Variants in TMEM135 observed in about 807,000 individuals in gnomAD.
TMEM135 encodes peroxisomal membrane protein 52.
Under a neutral mutation model 60.3 loss-of-function variants are expected in TMEM135, and 30 were observed. The observed-to-expected ratio is 0.50, with a 90% CI of 0.37 to 0.68. The LOEUF is 0.68. Among genes scored for constraint, TMEM135 ranks in the 30% least tolerant of loss-of-function variants. The pLI is 0.00. For missense variants in TMEM135, 468 were observed against 548.8 expected, an observed-to-expected ratio of 0.85 and a Z score of 1.47; for synonymous variants, 190 against 186.7, an observed-to-expected ratio of 1.02 and a Z score of -0.14.
intron 1 of TMEM135, among the ~76,000 whole-genome samples, chr11:87,067,230 A>G (rs1464360644): frequency 6.8e-6 from 1 of 147,778 alleles, no homozygotes; most frequent in Non-Finnish European, 1.5e-5. Flanking sequence ...TAGTATATAT[A>G]TATTTTTTTT....
intron 1 of TMEM135, among the ~76,000 whole-genome samples, chr11:87,042,429 A>G (rs1484570907): frequency 6.6e-6 from 1 of 152,154 alleles, no homozygotes; most frequent in Non-Finnish European, 1.5e-5. Context: ...AGTTAGTATG[A>G]TATTTTAAGT....
At chr11:87,087,957 C>T (rs537306948) in intron 3 of TMEM135, among the ~76,000 whole-genome samples, 15 of 152,204 alleles carry the variant, frequency 9.9e-5, no homozygotes, top group South Asian at 4.2e-4. Context: ...AGGCTGGTCT[C>T]GAACTGCCGA....
intron 5 of TMEM135, among the ~76,000 whole-genome samples, chr11:87,202,958 G>A (rs12272942): frequency 0.13 from 19,367 of 148,550 alleles, 1,305 homozygotes; most frequent in Non-Finnish European, 0.14. Flanking sequence ...GCGTGAACCC[G>A]GGAGGCGGAG....
At chr11:87,254,430 T>C (rs1255845613) in intron 6 of TMEM135, among the ~76,000 whole-genome samples, 1 of 152,206 alleles carries the variant, frequency 6.6e-6, no homozygotes, top group Non-Finnish European at 1.5e-5. Flanking sequence ...ACTTACAAAC[T>C]CTGTGGCCTT....
intron 3 of TMEM135, among the ~76,000 whole-genome samples, chr11:87,076,880 C>T (rs181410346): frequency 3.3e-5 from 5 of 152,148 alleles, no homozygotes; most frequent in African/African-American, 1.2e-4. Flanking sequence ...GTCTCTTCTC[C>T]TACTGTGGCT....
At chr11:87,135,143 T>C (rs1053817713) in intron 4 of TMEM135, among the ~76,000 whole-genome samples, 2 of 152,172 alleles carry the variant, frequency 1.3e-5, no homozygotes, top group Non-Finnish European at 2.9e-5. Flanking sequence ...ATGTCCTTGA[T>C]TGGATCTATA....
At chr11:87,251,410 G>C (rs950934930) in intron 6 of TMEM135, among the ~76,000 whole-genome samples, 2 of 152,104 alleles carry the variant, frequency 1.3e-5, no homozygotes, top group Non-Finnish European at 2.9e-5. Context: ...GCTACTGTTA[G>C]CTGTCACACT....
chr11:87,075,310 C>G (rs1856848835), intron 3 of TMEM135, among the ~76,000 whole-genome samples: 1 of 151,510 alleles, frequency 6.6e-6, no homozygotes, highest in Admixed American at 6.6e-5. Context: ...AGGTGCCCGC[C>G]AGCTAATTTT....
chr11:87,138,092 T>TTTC (rs1938156329), intron 4 of TMEM135, among the ~76,000 whole-genome samples: 1 of 151,142 alleles, frequency 6.6e-6, no homozygotes, highest in East Asian at 1.9e-4. Context: ...TGATTTCTTT[T>TTTC]TTTTTTTTTT....
chr11:87,309,038 A>T (rs561959432), intron 9 of TMEM135, among the ~76,000 whole-genome samples: 1 of 152,356 alleles, frequency 6.6e-6, no homozygotes, highest in African/African-American at 2.4e-5. Flanking sequence ...GTCTGAAAAA[A>T]TAATGAAAAT....
intron 3 of TMEM135, among the ~76,000 whole-genome samples, chr11:87,074,601 A>C (rs2512396): frequency 0.28 from 41,835 of 151,870 alleles, 6,307 homozygotes; most frequent in East Asian, 0.52. Context: ...CACCTTTGTA[A>C]CAATCAACTA....
chr11:87,223,932 C>A (rs866300469), intron 5 of TMEM135, among the ~76,000 whole-genome samples: 7 of 152,098 alleles, frequency 4.6e-5, no homozygotes, highest in African/African-American at 1.7e-4. Context: ...ATAACGGGAA[C>A]TGAGTATGAA....
intron 6 of TMEM135, among the ~76,000 whole-genome samples, chr11:87,249,473 C>T (rs991123104): frequency 1.3e-5 from 2 of 151,958 alleles, no homozygotes; most frequent in Admixed American, 1.3e-4. Context: ...TTTATTTCTA[C>T]ATTGATGTTA....
Position 87,249,201 on chromosome 11 carries a change from C to T in TMEM135, c.509+12517C>T, listed in dbSNP as rs549338656. ...AGAAGAAAGGCTTTCAGTTTTTTCT[C>T]ATTCACTATGATACTATCTGTGGGT... On this transcript the variant is annotated intron_variant, in intron 6 of 14. Transcript: ENST00000305494. Among the ~76,000 whole-genome samples, 194 of 152,236 alleles carry T rather than the reference C, an allele frequency of 1.3e-3. 1 individual carries two copies. The highest frequency in any genetic ancestry group is 2.4e-3 in the Non-Finnish European group (165 of 67,982).
intron 6 of TMEM135, chr11:87,259,126 G>C (rs10444382): frequency 0.36 from 264,423 of 738,504 alleles, 50,811 homozygotes; most frequent in Non-Finnish European, 0.41. Context: ...ATCTCCATCA[G>C]GCCCCATAGT....
At chr11:87,062,949 T>C (rs1949964589) in intron 1 of TMEM135, among the ~76,000 whole-genome samples, 2 of 152,218 alleles carry the variant, frequency 1.3e-5, no homozygotes, top group Non-Finnish European at 2.9e-5. Flanking sequence ...TTGTATTGTA[T>C]TATGCTGATT....
intron 1 of TMEM135, among the ~76,000 whole-genome samples, chr11:87,064,332 T>G (rs988086265): frequency 6.6e-6 from 1 of 152,052 alleles, no homozygotes; most frequent in Non-Finnish European, 1.5e-5. Context: ...CATGCAGTTG[T>G]AAGAAGTACA....
In TMEM135 at chr11:87,282,428, C is replaced by A. The variant is rs770603241; in HGVS notation, c.510-13354C>A. 2.6e-5 allele frequency among the ~76,000 whole-genome samples: 4 copies of A among 152,238 alleles called. No homozygotes were observed. The South Asian group carries it at 8.3e-4, about 32-fold the overall frequency. ...TACAGGCACGAGCCACCATGGCCGG[C>A]TAATTTTTGTATTTTTAGTAGAGAA... On this transcript the variant is annotated intron_variant, in intron 6 of 14. Transcript: ENST00000305494.
intron 1 of TMEM135, among the ~76,000 whole-genome samples, chr11:87,046,195 C>G (rs763773421): frequency 1.4e-4 from 22 of 152,122 alleles, no homozygotes; most frequent in Non-Finnish European, 2.6e-4. Flanking sequence ...CACTTGAGGT[C>G]AGGAGTTCGA....
Sources: gnomAD v4.1 joint callset for allele counts (sites outside exome capture counted in the v4.1 genomes callset) on GRCh38, gnomAD v4.1.1 for gene constraint, MANE v1.5 for transcripts, NCBI Gene and HGNC (gene_info 2026-07-23, HGNC 2026-07-21) for gene names.